Variants in OPHN1 observed in about 807,000 individuals in gnomAD.
The protein encoded by OPHN1 is oligophrenin-1.
In OPHN1, 11 loss-of-function variants were observed where a neutral mutation model predicts 60.7. The ratio of observed to expected loss-of-function variants is 0.18; its 90% CI spans 0.11 to 0.30. The LOEUF is 0.30. Among genes scored for constraint, OPHN1 ranks in the 10% least tolerant of loss-of-function variants. The pLI is 1.00. For missense variants in OPHN1, 449 were observed against 611.0 expected (o/e 0.73, Z 2.80); for synonymous variants, 226 against 222.6 (o/e 1.02, Z -0.14).
In OPHN1 at chrX:68,087,160, A is replaced by G. The variant is rs776887130; in HGVS notation, c.1686+9710T>C. 5.3e-5 allele frequency among the ~76,000 whole-genome samples: 6 copies of G among 112,490 alleles called. No individual in the cohort carries two copies. In the South Asian group the frequency reaches 2.2e-3, roughly 42 times the overall value. ...TCTCTGATAGTGACTTCAGAAAAAAATCCCAGAAGGTGGCCAAAGTAGAGT... is the reference window on the plus strand; with the variant it reads ...TCTCTGATAGTGACTTCAGAAAAAAGTCCCAGAAGGTGGCCAAAGTAGAGT... On this transcript the variant is annotated intron_variant, in intron 19 of 24. Transcript: ENST00000355520.
chrX:68,096,815 T>G (rs1569210929), intron 19 of OPHN1, 55 bp downstream of exon 19: 1 of 1,147,502 alleles, frequency 8.7e-7, no homozygotes, highest in Non-Finnish European at 1.2e-6. Flanking sequence ...AAAAGGCAGT[T>G]GGGGGAAAGT....
chrX:68,386,375 C>A (rs921561669), intron 2 of OPHN1, among the ~76,000 whole-genome samples: 8 of 112,011 alleles, frequency 7.1e-5, no homozygotes, highest in African/African-American at 2.6e-4. Context: ...CACTACTAAT[C>A]AAAGCCAAAT....
At chrX:68,156,342 GA>G (rs750352306) in intron 15 of OPHN1, among the ~76,000 whole-genome samples, 5,005 of 90,540 alleles carry the variant, frequency 0.055, 132 homozygotes, top group Non-Finnish European at 0.083. Context: ...TGGGTAATTT[GA>G]AAAAAAAAAG....
chrX:68,048,445 T>A lies in OPHN1; in HGVS notation c.2388A>T (p.Arg796Ser), dbSNP rs2076839539. The A allele has an allele frequency of 8.3e-7, 1 of 1,209,990 alleles. No individual in the cohort carries two copies. The highest frequency in any genetic ancestry group is 1.1e-6 in the Non-Finnish European group (1 of 894,155). Residue 796 changes from arginine (R) to serine (S), a missense_variant, in exon 24 of 25, where the codon AGA becomes AGT. Transcript: ENST00000355520. ...ASRKTGSSQGRLPGDES is the reference protein window; with the variant it reads ...ASRKTGSSQGSLPGDES ...AGCCTCAACTTTCATCTCCAGGAAG[T>A]CTGCCTTGAGAACTGTGGATAAAGA... is the stretch of plus-strand genomic sequence containing the variant.
chrX:68,266,705 A>G (rs1270484505), intron 5 of OPHN1, among the ~76,000 whole-genome samples: 2 of 111,733 alleles, frequency 1.8e-5, no homozygotes, highest in African/African-American at 6.5e-5. Context: ...AATGGGCTAA[A>G]TGCTGCAATT....
intron 19 of OPHN1, among the ~76,000 whole-genome samples, chrX:68,091,951 C>T (rs901074227): frequency 9.1e-6 from 1 of 110,268 alleles, no homozygotes. Context: ...ACCTACTTTC[C>T]AACTTAAAAA....
chrX:68,380,952 C>A (rs1242961724), intron 2 of OPHN1, among the ~76,000 whole-genome samples: 1 of 111,293 alleles, frequency 9.0e-6, no homozygotes, highest in Non-Finnish European at 1.9e-5. Context: ...AGTGAAGTGA[C>A]CTAAGGTTCC....
chrX:68,150,720 T>C (rs1269169370), intron 15 of OPHN1, among the ~76,000 whole-genome samples: 4 of 111,734 alleles, frequency 3.6e-5, no homozygotes, highest in South Asian at 3.7e-4. Context: ...TGTGAAACTA[T>C]AACTTTTTTA....
chrX:68,311,557 C>T (rs1410381506), intron 2 of OPHN1, among the ~76,000 whole-genome samples: 1 of 110,973 alleles, frequency 9.0e-6, no homozygotes, highest in Non-Finnish European at 1.9e-5. Flanking sequence ...CTCAGCCTCC[C>T]GAGTAACTGG....
intron 5 of OPHN1, among the ~76,000 whole-genome samples, chrX:68,236,207 A>G (rs1373759466): frequency 9.0e-6 from 1 of 111,115 alleles, no homozygotes; most frequent in Non-Finnish European, 1.9e-5. Context: ...CAGATACCAA[A>G]ACACAGGAGG....
intron 2 of OPHN1, among the ~76,000 whole-genome samples, chrX:68,411,168 C>G (rs773141566): frequency 6.3e-5 from 7 of 111,377 alleles, no homozygotes; most frequent in Non-Finnish European, 1.3e-4. Flanking sequence ...ATTTTAGGTT[C>G]AGGCATACAA....
intron 3 of OPHN1, among the ~76,000 whole-genome samples, chrX:68,291,971 C>A (rs188699774): frequency 4.8e-4 from 54 of 111,892 alleles, no homozygotes; most frequent in Non-Finnish European, 9.0e-4. Flanking sequence ...GTTCAGACTT[C>A]CCTAGCTTAA....
At position 68,089,762 on chromosome X, in the gene OPHN1, G is replaced by A. The variant is rs764993978; in HGVS notation, c.1686+7108C>T. 1.4e-4 allele frequency among the ~76,000 whole-genome samples: 16 copies of A among 111,520 alleles called. No homozygotes were observed. In the East Asian group the frequency reaches 4.2e-3, roughly 30 times the overall value. ...TACATTTATCACCCTATCTCATTGG[G>A]TTTGGACATGCTTATTCACCTCAAA... On this transcript the variant is annotated intron_variant, in intron 19 of 24. Transcript: ENST00000355520.
At chrX:68,296,956 C>T (rs1438476075) in intron 3 of OPHN1, among the ~76,000 whole-genome samples, 1 of 111,104 alleles carries the variant, frequency 9.0e-6, no homozygotes, top group Non-Finnish European at 1.9e-5. Context: ...CTGCATAGCA[C>T]TCATTGACAT....
chrX:68,155,425 G>A (rs959307311), intron 15 of OPHN1, among the ~76,000 whole-genome samples: 5 of 111,442 alleles, frequency 4.5e-5, no homozygotes, highest in Admixed American at 9.5e-5. Context: ...TTGGATCAGG[G>A]GGCAGTTTCC....
chrX:68,209,998 T>A, intron 9 of OPHN1, 155 bp downstream of exon 9: 1 of 541,340 alleles, frequency 1.8e-6, no homozygotes, highest in East Asian at 3.7e-5. Flanking sequence ...TCTCCTTTTT[T>A]TTTTTTTGTT....
At chrX:68,126,233 A>T (rs1276711131) in intron 15 of OPHN1, among the ~76,000 whole-genome samples, 1 of 109,932 alleles carries the variant, frequency 9.1e-6, no homozygotes, top group Non-Finnish European at 1.9e-5. Context: ...TAGAAAAAGC[A>T]TGGCCCTGCC....
At chrX:68,167,209 C>G (rs1256004012) in intron 15 of OPHN1, among the ~76,000 whole-genome samples, 1 of 111,470 alleles carries the variant, frequency 9.0e-6, no homozygotes, top group Non-Finnish European at 1.9e-5. Context: ...AATGAACAGA[C>G]ATTTCTCAAA....
At chrX:68,292,386 T>A (rs971499436) in intron 3 of OPHN1, among the ~76,000 whole-genome samples, 5 of 112,058 alleles carry the variant, frequency 4.5e-5, no homozygotes, top group Non-Finnish European at 9.4e-5. Context: ...GATTATAGAT[T>A]TTTTGTAAAA....
Sources: allele counts gnomAD v4.1 joint callset (sites outside exome capture counted in the v4.1 genomes callset), GRCh38; gene constraint gnomAD v4.1.1; transcripts MANE v1.5; gene names NCBI Gene and HGNC (gene_info 2026-07-23, HGNC 2026-07-21).